The following KDELR2 variants were observed in gnomAD, a reference collection of about 807,000 sequenced individuals.
The protein encoded by KDELR2 is ER lumen protein-retaining receptor 2.
In KDELR2, 15 loss-of-function variants were observed where a neutral mutation model predicts 23.9. The ratio of observed to expected loss-of-function variants is 0.63; its 90% CI spans 0.42 to 0.97. KDELR2 has a LOEUF of 0.97. KDELR2 is among the 50% of genes least tolerant of loss of function. KDELR2 has a pLI of 0.00. For synonymous variants in KDELR2, 119 were observed against 106.2 expected (o/e 1.12, Z -0.74); for missense variants, 272 against 254.6 (o/e 1.07, Z -0.46).
intron 1 of KDELR2, among the ~76,000 whole-genome samples, chr7:6,478,412 C>G (rs577348444): frequency 6.6e-6 from 1 of 152,036 alleles, no homozygotes; most frequent in Admixed American, 6.6e-5. Flanking sequence ...CCTCCCAAAG[C>G]GCTGCCACCA....
intron 1 of KDELR2, among the ~76,000 whole-genome samples, chr7:6,481,473 C>A (rs1785890166): frequency 6.6e-6 from 1 of 151,902 alleles, no homozygotes; most frequent in Non-Finnish European, 1.5e-5. Context: ...CACTTCAAGG[C>A]TTAATGATTT....
At chr7:6,464,414 G>T (rs1010697891) in intron 4 of KDELR2, among the ~76,000 whole-genome samples, 1 of 151,944 alleles carries the variant, frequency 6.6e-6, no homozygotes, top group African/African-American at 2.4e-5. Flanking sequence ...AGTTACTAGG[G>T]TGGTCAAGGC....
intron 1 of KDELR2, among the ~76,000 whole-genome samples, chr7:6,477,080 A>G (rs1020802186): frequency 2.0e-5 from 3 of 152,240 alleles, no homozygotes; most frequent in African/African-American, 7.2e-5. Context: ...ACACTTCTGA[A>G]GAATGTCCAG....
rs1030468981 is a variant in KDELR2 at position 6,463,088 on chromosome 7, A to C, written c.*53T>G. On this transcript the variant is annotated 3_prime_UTR_variant, in exon 5 of 5. Coordinates refer to ENST00000258739, the MANE Select transcript of KDELR2 (RefSeq NM_006854.4). The stretch of plus-strand genomic sequence containing the variant: ...AGCATCTTATGCCTTTGCTGTGGTA[A>C]GAATTCTGTCCGAGCACCCTGAAGG... 1.2e-6 allele frequency: 2 copies of C among 1,614,190 alleles called. No individual in the cohort carries two copies. Among genetic ancestry groups the C allele is most frequent in the Non-Finnish European group, 1.7e-6 (2 of 1,180,030 alleles).
chr7:6,469,676 C>T lies in KDELR2; in HGVS notation c.271G>A (p.Asp91Asn). 6.2e-7 allele frequency: 1 copy of T among 1,614,092 alleles called. No homozygotes were observed. The highest frequency in any genetic ancestry group is 8.5e-7 in the Non-Finnish European group (1 of 1,179,972). Residue 91 changes from aspartate (D) to asparagine (N), a missense_variant, in exon 3 of 5, where the codon GAT (aspartate) becomes AAT (asparagine). By Grantham distance (23) the Asp-to-Asn change is conservative. Transcript: ENST00000258739. ...ACCAGAAACTCCACTCGGAAGGTATCATGATTTCCATCGTAGGTTGCCTTA... is the reference window on the plus strand; with the variant it reads ...ACCAGAAACTCCACTCGGAAGGTATTATGATTTCCATCGTAGGTTGCCTTA... ...KFKATYDGNH[D>N]TFRVEFLVVP...
chr7:6,472,393 G>T (rs1213411923), intron 2 of KDELR2, among the ~76,000 whole-genome samples: 1 of 152,088 alleles, frequency 6.6e-6, no homozygotes, highest in African/African-American at 2.4e-5. Context: ...GAGCACCTCG[G>T]GTCTCACGCC....
rs1039123584 is a variant in KDELR2 at position 6,462,167 on chromosome 7, G to A, written c.*974C>T. On this transcript the variant is annotated 3_prime_UTR_variant, in exon 5 of 5. Transcript: ENST00000258739. ...ACATACAAAAAAGAATGTAAGGAAT[G>A]GTTAGTGGTGCTGCCAATTAAAAAA... The A allele has an allele frequency of 1.4e-5, 2 of 144,560 alleles. No homozygotes were observed. The highest frequency in any genetic ancestry group is 3.0e-5 in the Non-Finnish European group (2 of 66,222). 9.0% of individuals were successfully genotyped at this position (144,560 alleles called of 1,614,324 possible).
chr7:6,482,392 C>T (rs1468311284), intron 1 of KDELR2: 1 of 300,550 alleles, frequency 3.3e-6, no homozygotes, highest in Non-Finnish European at 7.1e-6. Context: ...CATCACTTAC[C>T]CAAACTGCAG....
chr7:6,472,736 G>A (rs940785429), intron 2 of KDELR2, among the ~76,000 whole-genome samples: 5 of 152,036 alleles, frequency 3.3e-5, no homozygotes, highest in Admixed American at 3.3e-4. Context: ...GGTTGTTTAG[G>A]TGCCATACCA....
chr7:6,476,931 C>T (rs530585478), intron 1 of KDELR2, among the ~76,000 whole-genome samples: 58 of 152,276 alleles, frequency 3.8e-4, no homozygotes, highest in Non-Finnish European at 2.9e-5. Flanking sequence ...TCTTGTATTC[C>T]CTGCATGGGA....
intron 1 of KDELR2, chr7:6,482,682 A>C: frequency 2.8e-6 from 1 of 356,226 alleles, no homozygotes; most frequent in South Asian, 2.0e-5. Context: ...CACCCAGATA[A>C]TTCAGGATCA....
At chr7:6,472,508 T>C (rs1419623863) in intron 2 of KDELR2, among the ~76,000 whole-genome samples, 5 of 152,204 alleles carry the variant, frequency 3.3e-5, no homozygotes, top group Non-Finnish European at 7.3e-5. Context: ...CACACACCTC[T>C]AATGCCTGCA....
Position 6,484,144 on chromosome 7 carries a change from G to T in KDELR2, c.-87C>A. 1.9e-6 allele frequency: 2 copies of T among 1,075,194 alleles called. No individual in the cohort carries two copies. Among genetic ancestry groups the T allele is most frequent in the Non-Finnish European group, 2.4e-6 (2 of 844,834 alleles). 66.6% of individuals were successfully genotyped at this position (1,075,194 alleles called of 1,614,324 possible). On this transcript the variant is annotated 5_prime_UTR_variant, in exon 1 of 5. Transcript: ENST00000258739. ...GCGGCGGCCCCTGAGAGGAAGCGGCGAAGATGGCGAGATCGCCCGCGACGT... is the reference window on the plus strand; with the variant it reads ...GCGGCGGCCCCTGAGAGGAAGCGGCTAAGATGGCGAGATCGCCCGCGACGT...
intron 1 of KDELR2, among the ~76,000 whole-genome samples, chr7:6,476,040 G>A (rs949075790): frequency 1.3e-5 from 2 of 152,094 alleles, no homozygotes; most frequent in African/African-American, 4.8e-5. Flanking sequence ...AGCCTCCTGA[G>A]TAGCTGGGAC....
intron 1 of KDELR2, among the ~76,000 whole-genome samples, chr7:6,478,672 T>C (rs1372085069): frequency 6.6e-6 from 1 of 152,234 alleles, no homozygotes; most frequent in Non-Finnish European, 1.5e-5. Flanking sequence ...AGAAATCAAT[T>C]TGGAGAGATG....
At chr7:6,478,022 C>T (rs1039575916) in intron 1 of KDELR2, among the ~76,000 whole-genome samples, 12 of 152,120 alleles carry the variant, frequency 7.9e-5, no homozygotes, top group African/African-American at 2.9e-4. Context: ...TTGATATTGT[C>T]AAATTTCTCC....
intron 4 of KDELR2, among the ~76,000 whole-genome samples, chr7:6,464,308 T>G (rs1479508710): frequency 7.2e-6 from 1 of 138,690 alleles, no homozygotes; most frequent in Non-Finnish European, 1.5e-5. Flanking sequence ...ATCACGAGGT[T>G]GGGAGTTCAA....
intron 1 of KDELR2, among the ~76,000 whole-genome samples, chr7:6,478,369 A>C (rs984752847): frequency 1.3e-5 from 2 of 152,050 alleles, no homozygotes; most frequent in Non-Finnish European, 2.9e-5. Flanking sequence ...GCTGGTCTCA[A>C]GCTCCTGGCC....
intron 1 of KDELR2, among the ~76,000 whole-genome samples, chr7:6,481,141 C>T (rs1347653397): frequency 1.3e-5 from 2 of 152,078 alleles, no homozygotes; most frequent in African/African-American, 2.4e-5. Flanking sequence ...GAGGCCGAAG[C>T]GGGCGGATCA....
Sources: gnomAD v4.1 joint callset for allele counts (sites outside exome capture counted in the v4.1 genomes callset) on GRCh38, gnomAD v4.1.1 for gene constraint, MANE v1.5 for transcripts, NCBI Gene and HGNC (gene_info 2026-07-23, HGNC 2026-07-21) for gene names.